Variants in SEMA3D observed in about 807,000 individuals in gnomAD.
The protein encoded by SEMA3D is semaphorin 3D.
SEMA3D carries 84 observed loss-of-function variants against 100.1 expected under a neutral mutation model. The ratio of observed to expected loss-of-function variants is 0.84; its 90% confidence interval spans 0.70 to 1.01. The LOEUF is 1.01. Among genes scored for constraint, SEMA3D ranks in the 50% least tolerant of loss-of-function variants. The probability of loss-of-function intolerance (pLI) is 0.00; values close to 1 mark genes in which losing one functional copy is unlikely to be tolerated. For synonymous variants in SEMA3D, 312 were observed against 320.7 expected (o/e 0.97, Z 0.29); for missense variants, 875 against 934.1 (o/e 0.94, Z 0.82).
the SEMA3D span, among the ~76,000 whole-genome samples, chr7:85,241,467 G>GTATATATATATA: frequency 1.7e-4 from 16 of 91,978 alleles, no homozygotes; most frequent in African/African-American, 8.3e-4. Flanking sequence ...CTGTGTGTGT[G>GTATATATATATA]TATATATATA....
intron 3 of SEMA3D, among the ~76,000 whole-genome samples, chr7:85,103,357 TA>T (rs1017292404): frequency 3.3e-5 from 5 of 151,980 alleles, no homozygotes; most frequent in African/African-American, 1.2e-4. Context: ...CAGAGCTTTT[TA>T]AAAAAAATTC....
At chr7:85,146,973 C>A (rs945068192) in intron 2 of SEMA3D, among the ~76,000 whole-genome samples, 1 of 151,970 alleles carries the variant, frequency 6.6e-6, no homozygotes, top group East Asian at 1.9e-4. Context: ...AAACATAGTT[C>A]ATTCCTCCAG....
At chr7:85,204,514 G>A in the SEMA3D span, among the ~76,000 whole-genome samples, 5 of 152,096 alleles carry the variant, frequency 3.3e-5, no homozygotes, top group African/African-American at 1.2e-4. Context: ...TAAGTACTAA[G>A]TAATAACAAT....
Position 85,081,597 on chromosome 7 carries a change from G to A in SEMA3D, c.313-18C>T. Reference sequence around the variant, plus strand: ...CAATAAATCTGCAAAACATTTCAAAGTATGTTACAACCTGAATATCTGAAA... The same window carrying A: ...CAATAAATCTGCAAAACATTTCAAAATATGTTACAACCTGAATATCTGAAA... On this transcript the variant is annotated intron_variant, in intron 4 of 18. Coordinates refer to ENST00000284136, the MANE Select transcript of SEMA3D (RefSeq NM_001384900.1). 6.3e-7 allele frequency: 1 copy of A among 1,580,736 alleles called. No homozygotes were observed. The highest frequency in any genetic ancestry group is 2.2e-5 in the East Asian group (1 of 44,622).
intron 2 of SEMA3D, among the ~76,000 whole-genome samples, chr7:85,147,596 T>C (rs1790253009): frequency 6.6e-6 from 1 of 152,184 alleles, no homozygotes; most frequent in African/African-American, 2.4e-5. Context: ...CAAAATCTTG[T>C]ATCTATAAAT....
chr7:85,128,244 TG>T (rs1237758873), intron 2 of SEMA3D, among the ~76,000 whole-genome samples: 1 of 152,084 alleles, frequency 6.6e-6, no homozygotes, highest in African/African-American at 2.4e-5. Context: ...ATCTGCTCAC[TG>T]CAAGTTCCAC....
intron 8 of SEMA3D, among the ~76,000 whole-genome samples, chr7:85,057,758 C>T (rs905719417): frequency 6.6e-6 from 1 of 151,908 alleles, no homozygotes; most frequent in Non-Finnish European, 1.5e-5. Flanking sequence ...TATGGTGCAA[C>T]CCTGTCTACT....
At chr7:85,193,416 GGAGA>G in the SEMA3D span, among the ~76,000 whole-genome samples, 2 of 152,016 alleles carry the variant, frequency 1.3e-5, no homozygotes, top group African/African-American at 4.8e-5. Flanking sequence ...CCTTTAGCAG[GGAGA>G]GAGAAAGAAA....
the SEMA3D span, among the ~76,000 whole-genome samples, chr7:85,222,135 C>A: frequency 6.6e-6 from 1 of 152,038 alleles, no homozygotes; most frequent in Non-Finnish European, 1.5e-5. Context: ...ATCTGAAAGT[C>A]TTTATCTCTT....
In SEMA3D at chr7:85,112,269, T is replaced by C. The variant is rs187863617; in HGVS notation, c.151+9472A>G. Among the ~76,000 whole-genome samples the C allele has an allele frequency of 4.3e-4, 66 of 152,288 alleles. No homozygotes were observed. In the Middle Eastern group the frequency reaches 0.01, roughly 24 times the overall value. ...ACAGAAAAAGATATAGCCTTACTTA[T>C]TCATTTTTTAGAAAATTCTGATTAA... On this transcript the variant is annotated intron_variant, in intron 3 of 18. Coordinates refer to ENST00000284136, the MANE Select transcript of SEMA3D (RefSeq NM_001384900.1).
At chr7:85,223,180 G>T in the SEMA3D span, among the ~76,000 whole-genome samples, 1 of 151,904 alleles carries the variant, frequency 6.6e-6, no homozygotes, top group Non-Finnish European at 1.5e-5. Context: ...TGCTGAAAAG[G>T]GAACCCTTTT....
At chr7:85,144,618 T>C (rs1403776828) in intron 2 of SEMA3D, 28 of 984,154 alleles carry the variant, frequency 2.8e-5, no homozygotes, top group Admixed American at 6.2e-5. Context: ...TATACACATA[T>C]ATACATTTTT....
At chr7:85,048,584 T>G (rs1791073157) in intron 9 of SEMA3D, among the ~76,000 whole-genome samples, 1 of 151,862 alleles carries the variant, frequency 6.6e-6, no homozygotes, top group African/African-American at 2.4e-5. Flanking sequence ...ATAGTGAAGT[T>G]ATGCTCATTA....
intron 2 of SEMA3D, chr7:85,143,134 C>A: frequency 1.0e-6 from 1 of 980,360 alleles, no homozygotes; most frequent in Non-Finnish European, 1.2e-6. Context: ...TGGTACAACA[C>A]ACAATTAGGT....
chr7:85,154,354 T>A (rs931635256), intron 1 of SEMA3D, among the ~76,000 whole-genome samples: 1 of 152,082 alleles, frequency 6.6e-6, no homozygotes, highest in Non-Finnish European at 1.5e-5. Flanking sequence ...TCTTATTTTA[T>A]TTTTTAGAAA....
chr7:85,211,518 G>A, the SEMA3D span, among the ~76,000 whole-genome samples: 1 of 152,038 alleles, frequency 6.6e-6, no homozygotes, highest in Non-Finnish European at 1.5e-5. Flanking sequence ...TTCACTCATT[G>A]CTAGGTTTGG....
At chr7:85,100,588 A>G (rs965009573) in intron 3 of SEMA3D, among the ~76,000 whole-genome samples, 2 of 151,938 alleles carry the variant, frequency 1.3e-5, no homozygotes, top group South Asian at 2.1e-4. Context: ...ATAAAAAGAG[A>G]TAATGTCTAG....
At chr7:85,102,342 T>G (rs3815223) in intron 3 of SEMA3D, among the ~76,000 whole-genome samples, 1 of 151,928 alleles carries the variant, frequency 6.6e-6, no homozygotes, top group Non-Finnish European at 1.5e-5. Context: ...TACTCTGGAG[T>G]GTGACCTGTG....
At chr7:85,035,828 G>A (rs934737100) in intron 12 of SEMA3D, among the ~76,000 whole-genome samples, 4 of 151,830 alleles carry the variant, frequency 2.6e-5, no homozygotes, top group Admixed American at 6.6e-5. Context: ...CACAAACATC[G>A]TTATTACTTT....
Sources: gnomAD v4.1 joint callset for allele counts (sites outside exome capture counted in the v4.1 genomes callset) on GRCh38, gnomAD v4.1.1 for gene constraint, MANE v1.5 for transcripts, NCBI Gene and HGNC (gene_info 2026-07-23, HGNC 2026-07-21) for gene names.